Variants in TRAF7 observed in about 807,000 individuals in gnomAD.
TRAF7 encodes TNF receptor associated factor 7, also known as E3 ubiquitin-protein ligase TRAF7.
In TRAF7, 45 loss-of-function variants were observed where a neutral mutation model predicts 89.3. The observed-to-expected ratio is 0.50, with a 90% CI of 0.40 to 0.65. The LOEUF is 0.65. Ranked by LOEUF, TRAF7 falls within the 30% of genes least tolerant of loss-of-function variation. TRAF7 has a pLI of 0.00. For synonymous variants in TRAF7, 406 were observed against 369.2 expected (o/e 1.10, Z -1.14); for missense variants, 677 against 918.1 (o/e 0.74, Z 3.39).
intron 4 of TRAF7, among the ~76,000 whole-genome samples, chr16:2,169,351 G>A (rs776309428): frequency 2.0e-5 from 3 of 152,194 alleles, no homozygotes; most frequent in African/African-American, 4.8e-5. Flanking sequence ...GGCCGAGGGC[G>A]AGTTGGGTAT....
intron 3 of TRAF7, among the ~76,000 whole-genome samples, chr16:2,166,901 G>A (rs2093088578): frequency 1.3e-5 from 2 of 152,240 alleles, no homozygotes; most frequent in African/African-American, 4.8e-5. Flanking sequence ...TCCGGGGTGG[G>A]GTTCTGGGGT....
intron 1 of TRAF7, among the ~76,000 whole-genome samples, chr16:2,156,630 A>C (rs375983843): frequency 6.7e-6 from 1 of 148,570 alleles, no homozygotes; most frequent in South Asian, 2.1e-4. Flanking sequence ...CCAGATGTAC[A>C]TAGGCCTGGG....
chr16:2,157,925 GC>G (rs2093042175), intron 1 of TRAF7, among the ~76,000 whole-genome samples: 1 of 152,190 alleles, frequency 6.6e-6, no homozygotes. Flanking sequence ...TGTCTGGGGT[GC>G]CTTCACTCTT....
chr16:2,160,475 C>A (rs1212011140), intron 1 of TRAF7, among the ~76,000 whole-genome samples: 1 of 122,778 alleles, frequency 8.1e-6, no homozygotes, highest in Non-Finnish European at 1.7e-5. Context: ...GATGGGCGGG[C>A]GGTGTGGACG....
intron 3 of TRAF7, among the ~76,000 whole-genome samples, chr16:2,166,470 G>A (rs2093087038): frequency 2.0e-5 from 3 of 152,092 alleles, no homozygotes; most frequent in South Asian, 4.1e-4. Flanking sequence ...ATGCAGTGGC[G>A]CAATCTTGGC....
At position 2,175,527 on chromosome 16, in the gene TRAF7, A is replaced by G. The variant is rs1378358058; in HGVS notation, c.1531A>G (p.Lys511Glu). ...KVWDIVGTELKLKKELTGLNH... is the reference protein window; with the variant it reads ...KVWDIVGTELELKKELTGLNH... ...CTGGGACATCGTGGGCACTGAGCTG[A>G]AGTTGAAGAAGGAGCTCACAGGCCT... The change falls in exon 17 of 21, where the codon AAG becomes GAG. Residue 511 changes from lysine (K) to glutamate (E), a missense_variant. This residue lies in a region of TRAF7 where 160 missense variants were observed against 263.7 expected (regional missense o/e 0.61). Transcript: ENST00000326181. 6.2e-7 allele frequency: 1 copy of G among 1,613,260 alleles called. No homozygotes were observed. The highest frequency in any genetic ancestry group is 1.7e-5 in the Admixed American group (1 of 60,028).
chr16:2,170,206 G>A (rs991686974), intron 4 of TRAF7, among the ~76,000 whole-genome samples: 1 of 152,248 alleles, frequency 6.6e-6, no homozygotes, highest in African/African-American at 2.4e-5. Flanking sequence ...GTCGCTCCCT[G>A]CCAGCATTCC....
rs994587738 is a variant in TRAF7, at chr16:2,161,094, C to T, written c.-38-2789C>T. ...TGGCCTCCAGCCCCAGGGTCCCGCC[C>T]GCCTCCATGTCCCTGGCTGGGGCTG... On this transcript the variant is annotated intron_variant, in intron 1 of 20. Transcript: ENST00000326181. The surrounding 1 kb of genome is among the most constrained non-coding windows in gnomAD (Gnocchi z 5.2). 5.9e-5 allele frequency among the ~76,000 whole-genome samples: 9 copies of T among 152,244 alleles called. No individual in the cohort carries two copies. The highest frequency in any genetic ancestry group is 1.9e-4 in the East Asian group (1 of 5,176).
chr16:2,172,700 G>T, intron 9 of TRAF7, 101 bp downstream of exon 9: 1 of 1,370,656 alleles, frequency 7.3e-7, no homozygotes, highest in Non-Finnish European at 9.9e-7. Flanking sequence ...GTAGGCCGGA[G>T]CTGGGGCCAC....
intron 20 of TRAF7, 78 bp downstream of exon 20, chr16:2,176,462 C>T: frequency 6.2e-7 from 1 of 1,612,888 alleles, no homozygotes. Flanking sequence ...CTGGCAGCCC[C>T]AGCACAAAGT....
Position 2,158,013 on chromosome 16 carries a change from G to T in TRAF7, c.-39+2155G>T, listed in dbSNP as rs2093042688. ...CGTTTTTCGAGAAGCCCGAGGCCAG[G>T]AGGGCAGGTACACAGCTGTGAAGTG... On this transcript the variant is annotated intron_variant, in intron 1 of 20. Transcript: ENST00000326181. The surrounding 1 kb of genome is among the most constrained non-coding windows in gnomAD (Gnocchi z 4.7). Among the ~76,000 whole-genome samples, 1 of 152,240 alleles carries T rather than the reference G, an allele frequency of 6.6e-6. No individual in the cohort carries two copies. Among genetic ancestry groups the T allele is most frequent in the Non-Finnish European group, 1.5e-5 (1 of 68,040 alleles).
rs748206973 is a variant in TRAF7, at chr16:2,172,606, G to T, written c.794+7G>T. On this transcript the variant is annotated splice_region_variant and intron_variant, in intron 9 of 20. Transcript: ENST00000326181. ...GCCCCCACTCCAAGTACGGGTGAGT[G>T]GGGGGCGGGCGGGGGTGGGCCGGGG... The T allele has an allele frequency of 2.4e-5, 37 of 1,545,752 alleles. No individual in the cohort carries two copies. The highest frequency in any genetic ancestry group is 8.3e-5 in the South Asian group (7 of 83,850).
At chr16:2,175,467 C>T (rs749729200) in intron 16 of TRAF7, 33 bp from the exon 17 acceptor site, 2 of 1,612,198 alleles carry the variant, frequency 1.2e-6, no homozygotes, top group African/African-American at 1.3e-5. Flanking sequence ...CGTCCCTTGC[C>T]CGCCCAGCCC....
chr16:2,178,100 T>A lies in TRAF7; in HGVS notation c.*1526T>A, dbSNP rs897270569. 6.0e-6 allele frequency: 3 copies of A among 504,196 alleles called. No individual in the cohort carries two copies. The highest frequency in any genetic ancestry group is 1.2e-5 in the Non-Finnish European group (3 of 260,630). 31.2% of individuals were successfully genotyped at this position (504,196 alleles called of 1,614,324 possible). ...TCTGGGGAAATCCGCCTCAGCTCAT[T>A]CCCAATAAATTAATACTCTTGATAG... On this transcript the variant is annotated 3_prime_UTR_variant, in exon 21 of 21. Transcript: ENST00000326181.
At position 2,175,848 on chromosome 16, in the gene TRAF7, A is replaced by C. The variant is rs2141296956; in HGVS notation, c.1641A>C (p.Arg547=). ...ATTACTCATAGATCTGGGACATCCG[A>C]ACCCTTGACTGCATCCACGTCCTGC... The part of the protein sequence containing the change: ...SYQTIKIWDI[R]TLDCIHVLQT... The change falls in exon 18 of 21, where the codon CGA becomes CGC. Residue 547 remains arginine (R), a synonymous_variant. Coordinates refer to ENST00000326181, the MANE Select transcript of TRAF7 (RefSeq NM_032271.3). 6.2e-7 allele frequency: 1 copy of C among 1,613,464 alleles called. No individual in the cohort carries two copies.
intron 13 of TRAF7, 85 bp from the exon 14 acceptor site, chr16:2,174,166 G>A (rs2093125683): frequency 3.8e-6 from 6 of 1,592,400 alleles, no homozygotes; most frequent in African/African-American, 1.3e-5. Context: ...TCCCATGGGC[G>A]GGGCTCCCTC....
chr16:2,173,814 G>A lies in TRAF7; in HGVS notation c.1113G>A (p.Arg371=). The part of the protein sequence containing the change: ...LNDELSHINA[R]LNMGILGSYD... ...ACGAGCTGTCCCACATCAACGCGCGGCTGAACATGGGCATCCTAGGCTGTG... is the reference window on the plus strand; with the variant it reads ...ACGAGCTGTCCCACATCAACGCGCGACTGAACATGGGCATCCTAGGCTGTG... Residue 371 remains arginine (R), a synonymous_variant, in exon 12 of 21, where the codon CGG becomes CGA. Coordinates refer to ENST00000326181, the MANE Select transcript of TRAF7 (RefSeq NM_032271.3). The A allele has an allele frequency of 6.2e-7, 1 of 1,610,798 alleles. No homozygotes were observed. Among genetic ancestry groups the A allele is most frequent in the East Asian group, 2.2e-5 (1 of 44,878 alleles).
chr16:2,172,494 C>T lies in TRAF7; in HGVS notation c.689C>T (p.Pro230Leu), dbSNP rs1462394160. 1.9e-6 allele frequency: 3 copies of T among 1,608,052 alleles called. No homozygotes were observed. Among genetic ancestry groups the T allele is most frequent in the Non-Finnish European group, 2.5e-6 (3 of 1,178,304 alleles). The change falls in exon 9 of 21, where the codon CCT becomes CTT. Residue 230 changes from proline to leucine, a missense_variant. Pro to Leu is a moderately conservative substitution (Grantham distance 98). Transcript: ENST00000326181. Reference protein sequence around the residue: ...KDHEGSCDYRPVRCPNNPSCP... With the variant: ...KDHEGSCDYRLVRCPNNPSCP... ...CACGAGGGCAGCTGTGACTACAGGCCTGTGCGGTGTCCCAACAACCCCAGC... is the reference window on the plus strand; with the variant it reads ...CACGAGGGCAGCTGTGACTACAGGCTTGTGCGGTGTCCCAACAACCCCAGC...
At chr16:2,164,832 T>C (rs1215215786) in intron 2 of TRAF7, among the ~76,000 whole-genome samples, 1 of 35,696 alleles carries the variant, frequency 2.8e-5, no homozygotes, top group Non-Finnish European at 5.3e-5. Flanking sequence ...GTGAGTGCTG[T>C]GTGGCGCAGC....
Sources: gnomAD v4.1 joint callset for allele counts (sites outside exome capture counted in the v4.1 genomes callset) on GRCh38, gnomAD v4.1.1 for gene constraint, gnomAD v4.1.1 regional missense constraint, Gnocchi (gnomAD v3.1) non-coding constraint, MANE v1.5 for transcripts, NCBI Gene and HGNC (gene_info 2026-07-23, HGNC 2026-07-21) for gene names.